The following CNTNAP5 variants were observed in gnomAD, a reference collection of about 807,000 sequenced individuals.
CNTNAP5 encodes contactin-associated protein-like 5.
In CNTNAP5, 72 loss-of-function variants were observed where a neutral mutation model predicts 150.2. The observed-to-expected ratio is 0.48, with a 90% CI of 0.40 to 0.58. The LOEUF (loss-of-function observed/expected upper bound fraction) is 0.58, where lower values mean the gene tolerates loss of function less well. CNTNAP5 is among the 20% of genes least tolerant of loss of function. The pLI, the probability that CNTNAP5 is intolerant of heterozygous loss-of-function variation, is 0.00. For missense variants in CNTNAP5, 1,636 were observed against 1,626.2 expected, an observed-to-expected ratio of 1.01 and a Z score of -0.10; for synonymous variants, 672 against 619.8, an observed-to-expected ratio of 1.08 and a Z score of -1.25.
intron 3 of CNTNAP5, among the ~76,000 whole-genome samples, chr2:124,394,632 T>C (rs1350338222): frequency 2.0e-5 from 3 of 152,156 alleles, no homozygotes; most frequent in African/African-American, 7.2e-5. Context: ...CCACAAGTAA[T>C]TGACATATGC....
chr2:124,843,291 G>A (rs939223588), intron 19 of CNTNAP5, among the ~76,000 whole-genome samples: 1 of 151,930 alleles, frequency 6.6e-6, no homozygotes, highest in Non-Finnish European at 1.5e-5. Context: ...GTTGATCGAT[G>A]AGCATTTGGG....
chr2:124,291,544 G>GTT (rs752708389), intron 3 of CNTNAP5, among the ~76,000 whole-genome samples: 3 of 144,042 alleles, frequency 2.1e-5, no homozygotes, highest in Non-Finnish European at 3.1e-5. Flanking sequence ...ATTTTCTTCT[G>GTT]TTTTTTTTTT....
chr2:124,254,406 G>A (rs934140202), intron 3 of CNTNAP5, among the ~76,000 whole-genome samples: 1 of 152,184 alleles, frequency 6.6e-6, no homozygotes, highest in African/African-American at 2.4e-5. Flanking sequence ...AAGGGGGGCA[G>A]TCTCCCTTTC....
At chr2:124,128,624 C>A (rs537450237) in intron 1 of CNTNAP5, among the ~76,000 whole-genome samples, 1 of 152,022 alleles carries the variant, frequency 6.6e-6, no homozygotes, top group Non-Finnish European at 1.5e-5. Flanking sequence ...ATGTTTATTG[C>A]GGCACTATTC....
intron 21 of CNTNAP5, among the ~76,000 whole-genome samples, chr2:124,891,587 T>C (rs1198762077): frequency 6.6e-6 from 1 of 152,122 alleles, no homozygotes; most frequent in Admixed American, 6.6e-5. Context: ...ACAATGTTAA[T>C]GTTGAACCCT....
At chr2:124,131,472 G>C (rs1573777296) in intron 1 of CNTNAP5, among the ~76,000 whole-genome samples, 1 of 152,210 alleles carries the variant, frequency 6.6e-6, no homozygotes, top group Admixed American at 6.5e-5. Flanking sequence ...GTGACTGCCA[G>C]ATGTGGGATT....
chr2:124,908,480 T>G (rs945755885), intron 22 of CNTNAP5, among the ~76,000 whole-genome samples: 4 of 152,172 alleles, frequency 2.6e-5, no homozygotes, highest in African/African-American at 9.6e-5. Flanking sequence ...TCATGTACCA[T>G]GTAAAGATAA....
chr2:124,249,103 T>A (rs1687102892), intron 3 of CNTNAP5, among the ~76,000 whole-genome samples: 1 of 152,138 alleles, frequency 6.6e-6, no homozygotes, highest in African/African-American at 2.4e-5. Flanking sequence ...AATTCCTACC[T>A]AAGGGGTCTG....
chr2:124,353,422 G>A (rs1689923629), intron 3 of CNTNAP5, among the ~76,000 whole-genome samples: 1 of 151,622 alleles, frequency 6.6e-6, no homozygotes, highest in Non-Finnish European at 1.5e-5. Context: ...GGCTGGAGGA[G>A]CTAAAGCATG....
chr2:124,275,534 A>G (rs1687863865), intron 3 of CNTNAP5, among the ~76,000 whole-genome samples: 3 of 152,084 alleles, frequency 2.0e-5, no homozygotes, highest in African/African-American at 7.2e-5. Flanking sequence ...TTACCTCATT[A>G]TCTATGTGTC....
At chr2:124,823,108 C>T (rs548332980) in intron 19 of CNTNAP5, among the ~76,000 whole-genome samples, 18 of 152,318 alleles carry the variant, frequency 1.2e-4, no homozygotes, top group African/African-American at 4.1e-4. Context: ...ATCACCAAAG[C>T]AGGCATTCAC....
intron 12 of CNTNAP5, among the ~76,000 whole-genome samples, chr2:124,614,773 T>C (rs1677458867): frequency 6.6e-6 from 1 of 152,178 alleles, no homozygotes; most frequent in African/African-American, 2.4e-5. Context: ...AAGGTCTTTG[T>C]GACCAGTATC....
intron 8 of CNTNAP5, among the ~76,000 whole-genome samples, chr2:124,514,303 A>G (rs933190096): frequency 6.6e-6 from 1 of 152,242 alleles, no homozygotes; most frequent in Non-Finnish European, 1.5e-5. Context: ...AAGTTTGGAT[A>G]ATGACAATGG....
intron 13 of CNTNAP5, among the ~76,000 whole-genome samples, chr2:124,671,842 G>T (rs193140258): frequency 2.4e-4 from 36 of 152,172 alleles, no homozygotes; most frequent in African/African-American, 8.2e-4. Flanking sequence ...GTTTCATTAT[G>T]TTGGCCAGGC....
intron 13 of CNTNAP5, among the ~76,000 whole-genome samples, chr2:124,661,364 T>G (rs1678586841): frequency 1.3e-5 from 2 of 152,176 alleles, no homozygotes; most frequent in South Asian, 4.1e-4. Context: ...TTTGAAACTT[T>G]TTTTGTTAAA....
At chr2:124,262,225 A>G (rs2217434) in intron 3 of CNTNAP5, among the ~76,000 whole-genome samples, 3,079 of 152,228 alleles carry the variant, frequency 0.02, 107 homozygotes, top group African/African-American at 0.069. Context: ...AATTTGGGCC[A>G]CAGACTGGGA....
At chr2:124,062,281 T>A (rs1046981500) in intron 1 of CNTNAP5, among the ~76,000 whole-genome samples, 15 of 152,218 alleles carry the variant, frequency 9.9e-5, no homozygotes, top group African/African-American at 3.6e-4. Context: ...TATTCCTTGC[T>A]ACCTCTCTCC....
chr2:124,755,809 G>A (rs1235308745), intron 14 of CNTNAP5, among the ~76,000 whole-genome samples: 1 of 152,086 alleles, frequency 6.6e-6, no homozygotes, highest in African/African-American at 2.4e-5. Context: ...ACACCCAATT[G>A]TAGCTATTTT....
In CNTNAP5 at chr2:124,900,633, C is replaced by G. The variant is rs545032789; in HGVS notation, c.3437-2249C>G. 3.3e-5 allele frequency among the ~76,000 whole-genome samples: 5 copies of G among 151,682 alleles called. 1 individual carries two copies. The highest frequency in any genetic ancestry group is 1.2e-4 in the African/African-American group (5 of 41,034). Reference sequence around the variant, plus strand: ...TTCTTACATCTGGAGTATGTCATGACAGTCACTATAGTGATGTCCTCCAAG... The same window carrying G: ...TTCTTACATCTGGAGTATGTCATGAGAGTCACTATAGTGATGTCCTCCAAG... On this transcript the variant is annotated intron_variant, in intron 21 of 23. Transcript: ENST00000682447.
Sources: gnomAD v4.1 joint callset for allele counts (sites outside exome capture counted in the v4.1 genomes callset) on GRCh38, gnomAD v4.1.1 for gene constraint, MANE v1.5 for transcripts, NCBI Gene and HGNC (gene_info 2026-07-23, HGNC 2026-07-21) for gene names.